Variants in APLP2 observed in about 807,000 individuals in gnomAD.
APLP2 encodes the protein amyloid beta precursor like protein 2.
A neutral mutation model predicts 89.9 loss-of-function variants in APLP2; 53 were observed. That is an observed-to-expected ratio of 0.59 (90% CI 0.47 to 0.74). APLP2 has a LOEUF of 0.74. Ranked by LOEUF, APLP2 falls within the 30% of genes least tolerant of loss-of-function variation. The pLI is 0.00. For missense variants in APLP2, 973 were observed against 975.9 expected, an observed-to-expected ratio of 1.00 and a Z score of 0.04; for synonymous variants, 372 against 348.6, an observed-to-expected ratio of 1.07 and a Z score of -0.75.
At chr11:130,085,482 A>C (rs925802279) in intron 1 of APLP2, among the ~76,000 whole-genome samples, 1 of 152,076 alleles carries the variant, frequency 6.6e-6, no homozygotes, top group African/African-American at 2.4e-5. Flanking sequence ...AAACAAAACA[A>C]AAAAAACTTC....
chr11:130,113,744 C>T (rs1948856636), intron 3 of APLP2, among the ~76,000 whole-genome samples: 1 of 152,100 alleles, frequency 6.6e-6, no homozygotes, highest in African/African-American at 2.4e-5. Context: ...CTTAGAAAGC[C>T]TTTTGATGAT....
intron 1 of APLP2, among the ~76,000 whole-genome samples, chr11:130,079,394 C>T (rs181881474): frequency 5.5e-4 from 83 of 152,264 alleles, no homozygotes; most frequent in Admixed American, 4.6e-3. Flanking sequence ...CCACTACGCC[C>T]GGCCCATGAC....
rs1320988779 is a variant in APLP2, at chr11:130,135,625, C to G, written c.1747C>G (p.Pro583Ala). ...GTTCACTGCCTCAATCTCAGAGACC[C>G]CTGTGGACGTCCGGGTGAGCTCTGA... ...DQFTASISET[P>A]VDVRVSSEES... Residue 583 changes from proline (P) to alanine (A), a missense_variant, in exon 13 of 17, where the codon CCT becomes GCT. Transcript: ENST00000338167. 1 of 1,614,154 alleles carries G rather than the reference C, an allele frequency of 6.2e-7. No homozygotes were observed. The highest frequency in any genetic ancestry group is 8.5e-7 in the Non-Finnish European group (1 of 1,180,020).
At chr11:130,130,251 G>A in intron 11 of APLP2, 85 bp downstream of exon 11, 2 of 1,563,834 alleles carry the variant, frequency 1.3e-6, no homozygotes, top group Non-Finnish European at 1.8e-6. Flanking sequence ...GACCAGCACT[G>A]CTAGTTGCAT....
At chr11:130,102,960 C>T (rs2135710147) in intron 1 of APLP2, among the ~76,000 whole-genome samples, 1 of 152,322 alleles carries the variant, frequency 6.6e-6, no homozygotes, top group South Asian at 2.1e-4. Context: ...CTGCAGTATG[C>T]ATAGATCACA....
At chr11:130,079,497 T>C (rs1399507164) in intron 1 of APLP2, among the ~76,000 whole-genome samples, 1 of 152,238 alleles carries the variant, frequency 6.6e-6, no homozygotes, top group African/African-American at 2.4e-5. Context: ...GATTTATTCA[T>C]AGTCATTTGA....
At chr11:130,088,221 GA>G (rs1419051758) in intron 1 of APLP2, among the ~76,000 whole-genome samples, 1 of 152,182 alleles carries the variant, frequency 6.6e-6, no homozygotes, top group African/African-American at 2.4e-5. Flanking sequence ...GTCATCAAAG[GA>G]AGGAATTTTA....
At chr11:130,073,369 A>G (rs1941485533) in intron 1 of APLP2, among the ~76,000 whole-genome samples, 1 of 152,178 alleles carries the variant, frequency 6.6e-6, no homozygotes, top group African/African-American at 2.4e-5. Flanking sequence ...CTGATTTAAA[A>G]TTTTGCTTAA....
intron 1 of APLP2, among the ~76,000 whole-genome samples, chr11:130,084,022 G>A (rs534405567): frequency 3.0e-4 from 46 of 152,248 alleles, no homozygotes; most frequent in Non-Finnish European, 4.6e-4. Flanking sequence ...CGAGGCAGGC[G>A]GATCACGAGG....
Position 130,143,715 on chromosome 11 carries a change from TTTAAA to T in APLP2, c.*272_*276del. 2.8e-6 allele frequency: 1 copy of T among 351,892 alleles called. No individual in the cohort carries two copies. The highest frequency in any genetic ancestry group is 5.3e-6 in the Non-Finnish European group (1 of 188,650). 21.8% of individuals were successfully genotyped at this position (351,892 alleles called of 1,614,324 possible). A position where few individuals can be genotyped will look rare whatever the true frequency, so the allele number is the denominator to read the frequency against. On this transcript the variant is annotated 3_prime_UTR_variant, in exon 17 of 17. Transcript: ENST00000338167. ...GCAGATATTTGATGTAGTTTTCTTT[TTTAAA>T]TTAATCAGAAACCCCACTTCCATTG... is the stretch of plus-strand genomic sequence containing the variant.
rs1952638074 is a variant in APLP2, at chr11:130,143,257, G to A, written c.2155-90G>A. 6.7e-6 allele frequency: 8 copies of A among 1,201,806 alleles called. No homozygotes were observed. In the South Asian group the frequency reaches 7.3e-5, roughly 11 times the overall value. 74.4% of individuals were successfully genotyped at this position (1,201,806 alleles called of 1,614,324 possible). ...CTGCTGGCTGCATTTGGTCCTCAGG[G>A]GATTGTGCAGCAAATGGCTCAGGTC... On this transcript the variant is annotated intron_variant, in intron 16 of 16. Coordinates refer to ENST00000338167, the MANE Select transcript of APLP2 (RefSeq NM_001142276.2).
chr11:130,105,670 TTCTC>T (rs145339301), intron 1 of APLP2, among the ~76,000 whole-genome samples: 2 of 150,704 alleles, frequency 1.3e-5, no homozygotes, highest in East Asian at 1.9e-4. Flanking sequence ...GTCTCTCTCT[TTCTC>T]TCTCTCTCTC....
chr11:130,113,319 C>T (rs1948807011), intron 3 of APLP2, among the ~76,000 whole-genome samples: 1 of 152,174 alleles, frequency 6.6e-6, no homozygotes, highest in African/African-American at 2.4e-5. Flanking sequence ...TAGCATGTTA[C>T]AGAACCAAGC....
chr11:130,141,596 A>G lies in APLP2; in HGVS notation c.1998+24A>G. The G allele has an allele frequency of 6.2e-7, 1 of 1,604,904 alleles. No homozygotes were observed. The highest frequency in any genetic ancestry group is 8.5e-7 in the Non-Finnish European group (1 of 1,172,002). ...GGGTACGTGTTTAGCTCCAGAACCT[A>G]AGGTTTCCTGCCAATCTTAGGTATT... On this transcript the variant is annotated intron_variant, in intron 15 of 16. Coordinates refer to ENST00000338167, the MANE Select transcript of APLP2 (RefSeq NM_001142276.2). This position sits in a 1 kb window ranked among gnomAD's most constrained non-coding sequence, Gnocchi z 4.2.
At chr11:130,103,486 A>T (rs1003989638) in intron 1 of APLP2, among the ~76,000 whole-genome samples, 1 of 152,004 alleles carries the variant, frequency 6.6e-6, no homozygotes, top group Non-Finnish European at 1.5e-5. Context: ...GTATTTTAAG[A>T]TTCTCTTTAG....
chr11:130,102,071 A>G, intron 1 of APLP2: 1 of 428,748 alleles, frequency 2.3e-6, no homozygotes, highest in Non-Finnish European at 4.6e-6. Flanking sequence ...CTTTGGGGAG[A>G]TACCTTGAAA....
At chr11:130,083,012 GA>G (rs1381781140) in intron 1 of APLP2, among the ~76,000 whole-genome samples, 2 of 133,060 alleles carry the variant, frequency 1.5e-5, no homozygotes, top group Non-Finnish European at 3.1e-5. Context: ...ATTAACCACT[GA>G]AACTTTTCTT....
intron 13 of APLP2, among the ~76,000 whole-genome samples, chr11:130,136,470 A>G (rs570325125): frequency 6.6e-6 from 1 of 152,294 alleles, no homozygotes; most frequent in Admixed American, 6.5e-5. Flanking sequence ...GTATAAAGAG[A>G]TTAAGTAACT....
chr11:130,135,510 G>T, intron 12 of APLP2, 53 bp from the exon 13 acceptor site: 1 of 1,590,924 alleles, frequency 6.3e-7, no homozygotes, highest in South Asian at 1.1e-5. Context: ...CCTGTGCCTG[G>T]ACACCAGGCC....
Sources: gnomAD v4.1 joint callset for allele counts (sites outside exome capture counted in the v4.1 genomes callset) on GRCh38, gnomAD v4.1.1 for gene constraint, Gnocchi (gnomAD v3.1) non-coding constraint, MANE v1.5 for transcripts, NCBI Gene and HGNC (gene_info 2026-07-23, HGNC 2026-07-21) for gene names.